Variants in IKZF1 observed in about 807,000 individuals in gnomAD.
The protein encoded by IKZF1 is IKAROS family zinc finger 1.
IKZF1 carries 10 observed loss-of-function variants against 51.7 expected under a neutral mutation model. That is an observed-to-expected ratio of 0.19 (90% CI 0.12 to 0.33). The LOEUF is 0.33. Ranked by LOEUF, IKZF1 falls within the 10% of genes least tolerant of loss-of-function variation. The pLI is 1.00. For synonymous variants in IKZF1, 280 were observed against 282.3 expected, an observed-to-expected ratio of 0.99 and a Z score of 0.08; for missense variants, 484 against 707.5, an observed-to-expected ratio of 0.68 and a Z score of 3.58.
chr7:50,403,058 C>G lies in IKZF1; in HGVS notation c.*2431C>G. On this transcript the variant is annotated 3_prime_UTR_variant, in exon 8 of 8. Transcript: ENST00000331340. ...AATTCAAACAAAGCTCAAACCAGAA[C>G]TGTAAATAGTGATTGCAGGAATTCT... 4.4e-6 allele frequency: 1 copy of G among 224,866 alleles called. No homozygotes were observed. The highest frequency in any genetic ancestry group is 2.2e-5 in the African/African-American group (1 of 45,000). 13.9% of individuals were successfully genotyped at this position (224,866 alleles called of 1,614,324 possible). A position where few individuals can be genotyped will look rare whatever the true frequency, so the allele number is the denominator to read the frequency against.
In IKZF1 at chr7:50,376,300, G is replaced by A. The variant is rs538290240; in HGVS notation, c.161-233G>A. Among the ~76,000 whole-genome samples, 6 of 152,314 alleles carry A rather than the reference G, an allele frequency of 3.9e-5. No individual in the cohort carries two copies. In the South Asian group the frequency reaches 1.0e-3, roughly 26 times the overall value. On this transcript the variant is annotated intron_variant, in intron 3 of 7. Transcript: ENST00000331340. The surrounding 1 kb of genome is among the most constrained non-coding windows in gnomAD (Gnocchi z 4.5). The stretch of plus-strand genomic sequence containing the variant: ...GATAATCGCCACTGGGCCTATGGAT[G>A]GAGAGGGCTGGCAGATCTCCCTGTA...
At chr7:50,393,989 TC>T in intron 7 of IKZF1, 2 of 232,332 alleles carry the variant, frequency 8.6e-6, no homozygotes, top group Non-Finnish European at 1.7e-5. Context: ...AAGGAGAGAT[TC>T]ATCTGTGAAA....
intron 3 of IKZF1, among the ~76,000 whole-genome samples, chr7:50,337,467 A>G (rs1798061537): frequency 6.6e-6 from 1 of 152,074 alleles, no homozygotes; most frequent in East Asian, 1.9e-4. Flanking sequence ...TCCTGGACAC[A>G]TGCCCTAAGA....
chr7:50,380,396 C>T (rs1207524218), intron 4 of IKZF1, among the ~76,000 whole-genome samples: 1 of 152,226 alleles, frequency 6.6e-6, no homozygotes, highest in Non-Finnish European at 1.5e-5. Context: ...GCAATCTGCC[C>T]TTTCTGTCTG....
intron 3 of IKZF1, among the ~76,000 whole-genome samples, chr7:50,348,552 G>A (rs1800974217): frequency 6.6e-6 from 1 of 152,192 alleles, no homozygotes; most frequent in Non-Finnish European, 1.5e-5. Flanking sequence ...TTCAGACCCT[G>A]GACATCATCC....
intron 6 of IKZF1, among the ~76,000 whole-genome samples, chr7:50,387,887 G>A (rs546608218): frequency 5.8e-4 from 88 of 152,270 alleles, no homozygotes; most frequent in African/African-American, 2.0e-3. Flanking sequence ...GATCAAATAA[G>A]AACTTTCAGG....
chr7:50,387,369 A>T lies in IKZF1; in HGVS notation c.614A>T (p.Tyr205Phe). The T allele has an allele frequency of 6.2e-7, 1 of 1,613,668 alleles. No individual in the cohort carries two copies. The highest frequency in any genetic ancestry group is 1.1e-5 in the South Asian group (1 of 90,996). The change falls in exon 6 of 8, where the codon TAT becomes TTT. Residue 205 changes from tyrosine (Y) to phenylalanine (F), a missense_variant. Physicochemically the swap from Tyr to Phe is conservative, Grantham distance 22. Transcript: ENST00000331340. The stretch of plus-strand genomic sequence containing the variant: ...GTTGGTAAACCTCACAAATGTGGAT[A>T]TTGTGGCCGAAGCTATAAACAGCGA... ...HSVGKPHKCG[Y>F]CGRSYKQRSS...
At position 50,400,552 on chromosome 7, in the gene IKZF1, C is replaced by T. The variant is rs2153519798; in HGVS notation, c.1485C>T (p.Cys495=). The change falls in exon 8 of 8, where the codon TGC becomes TGT. Residue 495 remains cysteine (C), a synonymous_variant. Transcript: ENST00000331340. The surrounding 1 kb of genome is among the most constrained non-coding windows in gnomAD (Gnocchi z 5.4). ...GFRDPFECNM[C]GYHSQDRYEF... ...GTGATCCTTTTGAGTGCAACATGTG[C>T]GGCTACCACAGCCAGGACCGGTACG... The T allele has an allele frequency of 1.2e-6, 2 of 1,613,932 alleles. No homozygotes were observed. Among genetic ancestry groups the T allele is most frequent in the Admixed American group, 1.7e-5 (1 of 60,028 alleles).
rs2153467664 is a variant in IKZF1, at chr7:50,376,442, A to G, written c.161-91A>G. The G allele has an allele frequency of 1.9e-6, 3 of 1,552,970 alleles. No homozygotes were observed. The highest frequency in any genetic ancestry group is 1.4e-5 in the African/African-American group (1 of 72,554). On this transcript the variant is annotated intron_variant, in intron 3 of 7. Transcript: ENST00000331340. This position sits in a 1 kb window ranked among gnomAD's most constrained non-coding sequence, Gnocchi z 4.5. Reference sequence around the variant, plus strand: ...GAACTTCTGTTTAGTAGCTCTCCACACCTATTTGATTGTCTTTTTGCTGCT... The same window carrying G: ...GAACTTCTGTTTAGTAGCTCTCCACGCCTATTTGATTGTCTTTTTGCTGCT...
chr7:50,328,760 AT>A (rs1157178477), intron 3 of IKZF1: 1 of 152,294 alleles, frequency 6.6e-6, no homozygotes, highest in South Asian at 2.1e-4. Flanking sequence ...TGATAACTGA[AT>A]TTTATCTACA....
At chr7:50,393,580 G>A (rs1180606375) in intron 7 of IKZF1, among the ~76,000 whole-genome samples, 1 of 152,220 alleles carries the variant, frequency 6.6e-6, no homozygotes, top group Non-Finnish European at 1.5e-5. Context: ...AGGATTCAGT[G>A]TACAAAAAGA....
intron 3 of IKZF1, among the ~76,000 whole-genome samples, chr7:50,374,810 A>T (rs1809754314): frequency 6.6e-6 from 1 of 152,222 alleles, no homozygotes; most frequent in African/African-American, 2.4e-5. Context: ...TAAATAGTGC[A>T]GCTAAGATTC....
intron 1 of IKZF1, among the ~76,000 whole-genome samples, chr7:50,316,508 G>A (rs1791574143): frequency 6.6e-6 from 1 of 152,240 alleles, no homozygotes; most frequent in Non-Finnish European, 1.5e-5. Context: ...CTTGGCTGCT[G>A]ACAATAGACG....
chr7:50,349,367 A>G (rs768012941), intron 3 of IKZF1, among the ~76,000 whole-genome samples: 1 of 152,238 alleles, frequency 6.6e-6, no homozygotes. Flanking sequence ...CTGAGTCTTT[A>G]TAAAATAAGC....
intron 3 of IKZF1, 77 bp downstream of exon 3, chr7:50,327,834 A>G (rs1795463470): frequency 7.0e-7 from 1 of 1,426,206 alleles, no homozygotes; most frequent in Non-Finnish European, 9.4e-7. Context: ...TGATGAAGGG[A>G]TGCAAGTCAT....
chr7:50,350,799 G>A (rs1262478706), intron 3 of IKZF1, among the ~76,000 whole-genome samples: 1 of 152,192 alleles, frequency 6.6e-6, no homozygotes, highest in African/African-American at 2.4e-5. Context: ...GTCAATCTGT[G>A]AAAGAAATAG....
At chr7:50,319,780 G>T (rs894065708) in intron 2 of IKZF1, among the ~76,000 whole-genome samples, 1 of 152,154 alleles carries the variant, frequency 6.6e-6, no homozygotes, top group Admixed American at 6.5e-5. Context: ...TGGGGTTTTC[G>T]GTATTTCATA....
chr7:50,314,143 C>T (rs929415453), intron 1 of IKZF1, among the ~76,000 whole-genome samples: 23 of 152,090 alleles, frequency 1.5e-4, no homozygotes, highest in Admixed American at 1.5e-3. Flanking sequence ...TTTCATCTCG[C>T]TCTGTCGCCC....
At chr7:50,362,368 A>G (rs1227555207) in intron 3 of IKZF1, among the ~76,000 whole-genome samples, 1 of 152,214 alleles carries the variant, frequency 6.6e-6, no homozygotes, top group African/African-American at 2.4e-5. Context: ...TGAAGGGAAG[A>G]CTGTACAGAC....
Sources: allele counts gnomAD v4.1 joint callset (sites outside exome capture counted in the v4.1 genomes callset), GRCh38; gene constraint gnomAD v4.1.1; non-coding constraint Gnocchi (gnomAD v3.1); transcripts MANE v1.5; gene names NCBI Gene and HGNC (gene_info 2026-07-23, HGNC 2026-07-21).